Variants in FCHO1 observed in about 807,000 individuals in gnomAD.
FCHO1 encodes the protein F-BAR domain only protein 1.
FCHO1 carries 45 observed loss-of-function variants against 114.4 expected under a neutral mutation model. That is an observed-to-expected ratio of 0.39 (90% CI 0.31 to 0.50). FCHO1 has a LOEUF of 0.50. FCHO1 is among the 20% of genes least tolerant of loss of function. FCHO1 has a pLI of 0.77. For missense variants in FCHO1, 1,042 were observed against 1,209.6 expected, an observed-to-expected ratio of 0.86 and a Z score of 2.06; for synonymous variants, 480 against 488.9, an observed-to-expected ratio of 0.98 and a Z score of 0.24.
At position 17,775,810 on chromosome 19, in the gene FCHO1, G is replaced by T. The variant is rs374930370; in HGVS notation, c.1004-173G>T. 2.2e-4 allele frequency among the ~76,000 whole-genome samples: 34 copies of T among 152,122 alleles called. No homozygotes were observed. The highest frequency in any genetic ancestry group is 3.4e-3 in the Middle Eastern group (1 of 294). ...GCATGCTTGTGCAAAGGCTTCTCGGGGGGGGTGGGAGTGCTGGTGGGACAT... is the reference window on the plus strand; with the variant it reads ...GCATGCTTGTGCAAAGGCTTCTCGGTGGGGGTGGGAGTGCTGGTGGGACAT... On this transcript the variant is annotated intron_variant, in intron 15 of 28. Transcript: ENST00000596536. This position sits in a 1 kb window ranked among gnomAD's most constrained non-coding sequence, Gnocchi z 5.1.
Position 17,781,177 on chromosome 19 carries a change from GC to G in FCHO1, c.1628-50del, listed in dbSNP as rs1199455535. The G allele has an allele frequency of 2.3e-6, 3 of 1,315,974 alleles. No homozygotes were observed. In the African/African-American group the frequency reaches 4.4e-5, roughly 19 times the overall value. The allele number at this position is 1,315,974 out of a possible 1,614,324, so 81.5% of individuals were successfully genotyped here. A position where few individuals can be genotyped will look rare whatever the true frequency, so the allele number is the denominator to read the frequency against. On this transcript the variant is annotated intron_variant, in intron 20 of 28. Transcript: ENST00000596536. The stretch of plus-strand genomic sequence containing the variant: ...TGGCTGAGTTTGTGCCCCTGGGGAG[GC>G]CCCAGAGGCCCCGGGCAGCATCTCA...
At chr19:17,767,563 T>TA (rs34862065) in intron 7 of FCHO1, among the ~76,000 whole-genome samples, 49,932 of 113,720 alleles carry the variant, frequency 0.44, 12,502 homozygotes, top group Non-Finnish European at 0.55. Flanking sequence ...AAAGACTGTC[T>TA]AAAAAAAAAA....
At chr19:17,750,996 C>A (rs187768670), upstream of FCHO1, among the ~76,000 whole-genome samples, 1 of 152,060 alleles carries the variant, frequency 6.6e-6, no homozygotes, top group African/African-American at 2.4e-5. Flanking sequence ...CATGGGCCAC[C>A]ACGCCCAGCT....
chr19:17,784,951 A>G lies in FCHO1; in HGVS notation c.2426+27A>G. On this transcript the variant is annotated intron_variant, in intron 26 of 28. Transcript: ENST00000596536. The surrounding 1 kb of genome is among the most constrained non-coding windows in gnomAD (Gnocchi z 5.3). Reference sequence around the variant, plus strand: ...TGAGGGCTTGCGGGAGGCCAAGGAAAACTCAGCAGTTTCCCCCATAACCCC... The same window carrying G: ...TGAGGGCTTGCGGGAGGCCAAGGAAGACTCAGCAGTTTCCCCCATAACCCC... 6.2e-7 allele frequency: 1 copy of G among 1,602,914 alleles called. No homozygotes were observed. The highest frequency in any genetic ancestry group is 8.5e-7 in the Non-Finnish European group (1 of 1,178,862).
rs2092417000 is a variant in FCHO1, at chr19:17,775,004, G to A, written c.921-52G>A. ...GTCCAGTGTTGGGGGCTGACAGGGG[G>A]CACCAGATGGGCTGCGGAAGCTGAC... On this transcript the variant is annotated intron_variant, in intron 13 of 28. Transcript: ENST00000596536. The surrounding 1 kb of genome is among the most constrained non-coding windows in gnomAD (Gnocchi z 5.1). The A allele has an allele frequency of 6.2e-7, 1 of 1,606,876 alleles. No individual in the cohort carries two copies. The highest frequency in any genetic ancestry group is 8.5e-7 in the Non-Finnish European group (1 of 1,173,972).
chr19:17,750,399 A>T (rs1175280466), upstream of FCHO1, among the ~76,000 whole-genome samples: 1 of 152,182 alleles, frequency 6.6e-6, no homozygotes, highest in Non-Finnish European at 1.5e-5. Flanking sequence ...TGAAGGAAAC[A>T]TTTTTGTGTA....
chr19:17,782,927 G>A (rs894320790), intron 23 of FCHO1, 90 bp from the exon 24 acceptor site: 28 of 1,472,756 alleles, frequency 1.9e-5, no homozygotes, highest in Admixed American at 7.8e-5. Flanking sequence ...AGTCTGGGGA[G>A]CCACAGGCAC....
At chr19:17,771,031 A>C in intron 9 of FCHO1, 135 bp downstream of exon 9, 1 of 659,070 alleles carries the variant, frequency 1.5e-6, no homozygotes, top group South Asian at 1.8e-5. Context: ...AGGCGGGAGG[A>C]TCACCTGAGG....
Position 17,784,193 on chromosome 19 carries a change from C to A in FCHO1, c.2184C>A (p.Asn728Lys). 2 of 1,613,658 alleles carry A rather than the reference C, an allele frequency of 1.2e-6. No homozygotes were observed. Among genetic ancestry groups the A allele is most frequent in the Non-Finnish European group, 1.7e-6 (2 of 1,179,828 alleles). The change falls in exon 25 of 29, where the codon AAC becomes AAA. Residue 728 changes from asparagine (N) to lysine (K), a missense_variant. By Grantham distance (94) the Asn-to-Lys change is moderately conservative (BLOSUM62 0). Coordinates refer to ENST00000596536, the MANE Select transcript of FCHO1 (RefSeq NM_015122.3). The surrounding 1 kb of genome is among the most constrained non-coding windows in gnomAD (Gnocchi z 5.3). The part of the protein sequence containing the change: ...TEALQRQAEQ[N>K]PTASYYNVVL... ...CCCTGCAGCGCCAGGCAGAGCAGAA[C>A]CCCACTGCCTCCTACTACAACGTGG...
At chr19:17,767,025 C>T (rs545968782) in intron 7 of FCHO1, among the ~76,000 whole-genome samples, 2 of 151,770 alleles carry the variant, frequency 1.3e-5, no homozygotes, top group South Asian at 4.2e-4. Flanking sequence ...CTGTGGCCCA[C>T]GGGCCAAATC....
Position 17,784,177 on chromosome 19 carries a change from G to A in FCHO1, c.2168G>A (p.Arg723His), listed in dbSNP as rs377008306. 37 of 1,613,834 alleles carry A rather than the reference G, an allele frequency of 2.3e-5. No individual in the cohort carries two copies. The highest frequency in any genetic ancestry group is 1.7e-4 in the Middle Eastern group (1 of 6,038). The change falls in exon 25 of 29, where the codon CGC (arginine) becomes CAC (histidine). Residue 723 changes from arginine (R) to histidine (H), a missense_variant. Coordinates refer to ENST00000596536, the MANE Select transcript of FCHO1 (RefSeq NM_015122.3). The surrounding 1 kb of genome is among the most constrained non-coding windows in gnomAD (Gnocchi z 5.3). ...GCAGCTCTGACCGAAGCCCTGCAGC[G>A]CCAGGCAGAGCAGAACCCCACTGCC... ...NMAALTEALQRQAEQNPTASY... is the reference protein window; with the variant it reads ...NMAALTEALQHQAEQNPTASY...
intron 3 of FCHO1, 155 bp downstream of exon 3, chr19:17,754,836 C>G (rs1475177490): frequency 2.7e-6 from 1 of 376,184 alleles, no homozygotes; most frequent in Non-Finnish European, 5.0e-6. Context: ...ATTCCATGCC[C>G]CCTCCTCCAA....
chr19:17,750,917 C>G (rs1005768754), upstream of FCHO1, among the ~76,000 whole-genome samples: 2 of 150,828 alleles, frequency 1.3e-5, no homozygotes, highest in African/African-American at 4.9e-5. Context: ...CTCTGGCTCA[C>G]TGCAACCTCC....
chr19:17,784,336 G>C lies in FCHO1; in HGVS notation c.2226+101G>C, dbSNP rs182198090. 82 of 1,417,186 alleles carry C rather than the reference G, an allele frequency of 5.8e-5. No individual in the cohort carries two copies. Among genetic ancestry groups the C allele is most frequent in the Non-Finnish European group, 7.5e-5 (79 of 1,050,264 alleles). 87.8% of individuals were successfully genotyped at this position (1,417,186 alleles called of 1,614,324 possible). ...CCTGCGTGTTGGCCAGGCTGGTCTC[G>C]AATTCCTGACCTCAAGAGATCCAAT... On this transcript the variant is annotated intron_variant, in intron 25 of 28. Transcript: ENST00000596536. This position sits in a 1 kb window ranked among gnomAD's most constrained non-coding sequence, Gnocchi z 5.3.
At chr19:17,782,424 G>A (rs956346530) in intron 23 of FCHO1, among the ~76,000 whole-genome samples, 1 of 152,016 alleles carries the variant, frequency 6.6e-6, no homozygotes, top group African/African-American at 2.4e-5. Flanking sequence ...GGCTGGTCTC[G>A]AACTCCTGGC....
In FCHO1 at chr19:17,772,490, C is replaced by T. The variant is rs2091856497; in HGVS notation, c.628C>T (p.His210Tyr). 2 of 1,613,992 alleles carry T rather than the reference C, an allele frequency of 1.2e-6. No homozygotes were observed. The highest frequency in any genetic ancestry group is 1.7e-6 in the Non-Finnish European group (2 of 1,180,034). Residue 210 changes from histidine (H) to tyrosine (Y), a missense_variant, in exon 10 of 29, where the codon CAC (histidine) becomes TAC (tyrosine). Around this residue, in one of 3 missense-constraint regions of FCHO1, gnomAD observed 450 missense variants for 564.1 expected, o/e 0.80. Transcript: ENST00000596536. ...FQAMEETHLR[H>Y]MKALLGSYAH... Reference sequence around the variant, plus strand: ...AGCCATGGAGGAGACACACCTGAGGCACATGAAGGCACTGCTGGGCTCATA... The same window carrying T: ...AGCCATGGAGGAGACACACCTGAGGTACATGAAGGCACTGCTGGGCTCATA...
chr19:17,769,892 A>G (rs988610406), intron 7 of FCHO1, among the ~76,000 whole-genome samples: 3 of 151,726 alleles, frequency 2.0e-5, no homozygotes, highest in Non-Finnish European at 2.9e-5. Context: ...GGCCGGGCGT[A>G]GTGGCTCACA....
rs781248014 is a variant in FCHO1, at chr19:17,781,223, G to A, written c.1628-8G>A. 2.4e-5 allele frequency: 39 copies of A among 1,599,432 alleles called. No homozygotes were observed. Among genetic ancestry groups the A allele is most frequent in the South Asian group, 2.0e-4 (18 of 90,424 alleles). ...ATCTCAGCAGTGCCTCTTTGTACTC[G>A]CTCCTAGACCTGATGCCTGCACCTG... On this transcript the variant is annotated splice_region_variant and splice_polypyrimidine_tract_variant and intron_variant, in intron 20 of 28. Coordinates refer to ENST00000596536, the MANE Select transcript of FCHO1 (RefSeq NM_015122.3).
intron 22 of FCHO1, 49 bp from the exon 23 acceptor site, chr19:17,781,663 A>G (rs750217462): frequency 6.4e-7 from 1 of 1,551,430 alleles, no homozygotes; most frequent in Non-Finnish European, 8.9e-7. Flanking sequence ...TGGAGCCTAT[A>G]TTCACACTGT....
Sources: allele counts gnomAD v4.1 joint callset (sites outside exome capture counted in the v4.1 genomes callset), GRCh38; gene constraint gnomAD v4.1.1; regional missense constraint gnomAD v4.1.1; non-coding constraint Gnocchi (gnomAD v3.1); transcripts MANE v1.5; gene names NCBI Gene and HGNC (gene_info 2026-07-23, HGNC 2026-07-21).